The following CDKAL1 variants were observed in gnomAD, a reference collection of about 807,000 sequenced individuals.
CDKAL1 encodes CDKAL1 threonylcarbamoyladenosine tRNA methylthiotransferase.
In CDKAL1, 32 loss-of-function variants were observed where a neutral mutation model predicts 68.2. That is an observed-to-expected ratio of 0.47 (90% CI 0.35 to 0.63). The LOEUF (loss-of-function observed/expected upper bound fraction) is 0.63. CDKAL1 is among the 30% of genes least tolerant of loss of function. The probability of loss-of-function intolerance (pLI) is 0.00; values close to 1 mark genes in which losing one functional copy is unlikely to be tolerated. For synonymous variants in CDKAL1, 234 were observed against 244.3 expected (o/e 0.96, Z 0.39); for missense variants, 606 against 696.7 (o/e 0.87, Z 1.47).
chr6:21,175,040 C>T (rs924174875), intron 13 of CDKAL1, among the ~76,000 whole-genome samples: 7 of 152,146 alleles, frequency 4.6e-5, no homozygotes, highest in South Asian at 4.2e-4. Context: ...AGTGGAGGCA[C>T]GACATGACCA....
At chr6:20,686,198 T>A (rs1770611275) in intron 5 of CDKAL1, among the ~76,000 whole-genome samples, 1 of 152,182 alleles carries the variant, frequency 6.6e-6, no homozygotes. Flanking sequence ...TATTTCTTTT[T>A]CTTGTCTTGT....
At chr6:20,799,794 A>G (rs887141204) in intron 8 of CDKAL1, 1 of 152,232 alleles carries the variant, frequency 6.6e-6, no homozygotes, top group East Asian at 1.9e-4. Flanking sequence ...ACATGTGTAC[A>G]CCAGACTTGC....
chr6:20,929,740 C>T (rs879394113), intron 9 of CDKAL1, among the ~76,000 whole-genome samples: 1 of 152,110 alleles, frequency 6.6e-6, no homozygotes, highest in Non-Finnish European at 1.5e-5. Context: ...TCTGCCTCTA[C>T]GGTCAAAGTG....
chr6:20,771,010 A>T (rs116513136), intron 7 of CDKAL1, among the ~76,000 whole-genome samples: 8 of 152,006 alleles, frequency 5.3e-5, no homozygotes. Context: ...ACATCCTTCC[A>T]CTTATTTGTT....
intron 6 of CDKAL1, 54 bp from the exon 7 acceptor site, chr6:20,758,541 A>G: frequency 6.6e-7 from 1 of 1,516,042 alleles, no homozygotes; most frequent in Non-Finnish European, 9.1e-7. Context: ...GGATAAACAC[A>G]AATTTTGTTT....
At chr6:21,130,425 A>G (rs6932722) in intron 13 of CDKAL1, among the ~76,000 whole-genome samples, 74,520 of 151,832 alleles carry the variant, frequency 0.49, 19,024 homozygotes, top group African/African-American at 0.64. Flanking sequence ...GGGTTTCACC[A>G]TGTTGGCCAG....
intron 10 of CDKAL1, among the ~76,000 whole-genome samples, chr6:20,992,709 G>A (rs897892733): frequency 2.6e-5 from 4 of 151,996 alleles, no homozygotes; most frequent in South Asian, 4.2e-4. Flanking sequence ...ATCAGCAAGC[G>A]TGGGCAACAT....
intron 5 of CDKAL1, among the ~76,000 whole-genome samples, chr6:20,668,589 T>G (rs1581348516): frequency 6.6e-6 from 1 of 152,224 alleles, no homozygotes; most frequent in East Asian, 1.9e-4. Context: ...ACATAATTAC[T>G]GAAAAGTTAC....
chr6:20,832,874 T>TC, intron 8 of CDKAL1, among the ~76,000 whole-genome samples: 1 of 152,344 alleles, frequency 6.6e-6, no homozygotes, highest in East Asian at 1.9e-4. Flanking sequence ...TACCACATTT[T>TC]CCTGTAATTT....
chr6:20,908,249 G>A (rs958582796), intron 9 of CDKAL1, among the ~76,000 whole-genome samples: 1 of 152,126 alleles, frequency 6.6e-6, no homozygotes, highest in East Asian at 1.9e-4. Flanking sequence ...AAAGGTTAAT[G>A]TATTTTTCAC....
chr6:20,938,189 G>C (rs1213430901), intron 9 of CDKAL1, among the ~76,000 whole-genome samples: 3 of 152,066 alleles, frequency 2.0e-5, no homozygotes, highest in Non-Finnish European at 4.4e-5. Flanking sequence ...GATTGTCCCA[G>C]ATTGGCCATT....
chr6:20,736,631 G>T (rs1773206009), intron 5 of CDKAL1, among the ~76,000 whole-genome samples: 2 of 152,110 alleles, frequency 1.3e-5, no homozygotes, highest in South Asian at 4.2e-4. Flanking sequence ...AATTAGCCGG[G>T]CCTGGTGGTG....
intron 10 of CDKAL1, among the ~76,000 whole-genome samples, chr6:20,975,041 A>G (rs540415781): frequency 6.6e-6 from 1 of 151,070 alleles, no homozygotes; most frequent in African/African-American, 2.5e-5. Flanking sequence ...TGACTCCAAA[A>G]CAAGAAGACT....
chr6:20,844,760 G>A (rs967989846), intron 8 of CDKAL1, among the ~76,000 whole-genome samples: 2 of 151,844 alleles, frequency 1.3e-5, no homozygotes, highest in Non-Finnish European at 2.9e-5. Flanking sequence ...TGCTCAGTAA[G>A]GGCTAAACAA....
rs560654470 is a variant in CDKAL1, at chr6:20,882,801, A to G, written c.742+36623A>G. ...GTCCAGTGTCATTTCTGATTTTCCT[A>G]CTAGGTTTTTCATTTTCATGTAGTC... On this transcript the variant is annotated intron_variant, in intron 9 of 15. Coordinates refer to ENST00000274695, the MANE Select transcript of CDKAL1 (RefSeq NM_017774.3). Among the ~76,000 whole-genome samples, 134 of 152,166 alleles carry G rather than the reference A, an allele frequency of 8.8e-4. 1 individual carries two copies. The highest frequency in any genetic ancestry group is 1.6e-3 in the Non-Finnish European group (111 of 68,002).
At chr6:20,609,593 A>G (rs1352645601) in intron 4 of CDKAL1, among the ~76,000 whole-genome samples, 1 of 151,314 alleles carries the variant, frequency 6.6e-6, no homozygotes, top group Non-Finnish European at 1.5e-5. Context: ...ATGGGGTTTC[A>G]CCATGTTGTT....
In CDKAL1 at chr6:20,957,628, C is replaced by T. The variant is rs537087224; in HGVS notation, c.909+2043C>T. 1.8e-3 allele frequency among the ~76,000 whole-genome samples: 279 copies of T among 152,264 alleles called. 1 individual carries two copies. Among genetic ancestry groups the T allele is most frequent in the African/African-American group, 5.9e-3 (245 of 41,546 alleles). On this transcript the variant is annotated intron_variant, in intron 10 of 15. Transcript: ENST00000274695. ...AATCTTGTTATATCTGTCTGTGGAT[C>T]TATCCCACCCAGTAGTGGCTCAATA...
At chr6:20,566,005 T>C (rs567204221) in intron 4 of CDKAL1, among the ~76,000 whole-genome samples, 1 of 152,226 alleles carries the variant, frequency 6.6e-6, no homozygotes, top group South Asian at 2.1e-4. Context: ...TAAACCCCTT[T>C]GTTTCTGGAC....
At chr6:20,892,371 C>A (rs372570415) in intron 9 of CDKAL1, among the ~76,000 whole-genome samples, 2 of 152,088 alleles carry the variant, frequency 1.3e-5, no homozygotes, top group South Asian at 4.1e-4. Flanking sequence ...AATTATAAGA[C>A]AAGTACAATA....
Sources: allele counts gnomAD v4.1 joint callset (sites outside exome capture counted in the v4.1 genomes callset), GRCh38; gene constraint gnomAD v4.1.1; transcripts MANE v1.5; gene names NCBI Gene and HGNC (gene_info 2026-07-23, HGNC 2026-07-21).